TTLL5: variants seen among roughly 807,000 people sequenced by gnomAD.
TTLL5 encodes the protein tubulin polyglutamylase TTLL5.
Under a neutral mutation model 168.4 loss-of-function variants are expected in TTLL5, and 132 were observed. That is an observed-to-expected ratio of 0.78 (90% CI 0.68 to 0.91). The LOEUF is 0.91. Among genes scored for constraint, TTLL5 ranks in the 40% least tolerant of loss-of-function variants. The pLI, the probability that TTLL5 is intolerant of heterozygous loss-of-function variation, is 0.00. For synonymous variants in TTLL5, 546 were observed against 558.6 expected (o/e 0.98, Z 0.32); for missense variants, 1,545 against 1,581.5 (o/e 0.98, Z 0.39).
Position 75,928,870 on chromosome 14 carries a change from A to G in TTLL5, c.3824-25554A>G, listed in dbSNP as rs189369402. Reference sequence around the variant, plus strand: ...CCTGCTATTTCATTTCCCTTGCAGAAAGGGTGGGGGCAGGATTGTGATATG... The same window carrying G: ...CCTGCTATTTCATTTCCCTTGCAGAGAGGGTGGGGGCAGGATTGTGATATG... On this transcript the variant is annotated intron_variant, in intron 31 of 31. Coordinates refer to ENST00000298832, the MANE Select transcript of TTLL5 (RefSeq NM_015072.5). Among the ~76,000 whole-genome samples, 803 of 152,260 alleles carry G rather than the reference A, an allele frequency of 5.3e-3. 4 individuals are homozygous for G. Among genetic ancestry groups the G allele is most frequent in the African/African-American group, 0.019 (780 of 41,534 alleles).
At position 75,800,119 on chromosome 14, in the gene TTLL5, C is replaced by T. The variant is rs1290140142; in HGVS notation, c.3171+7019C>T. Among the ~76,000 whole-genome samples the T allele has an allele frequency of 3.3e-5, 5 of 152,156 alleles. No homozygotes were observed. The East Asian group carries it at 5.8e-4, about 18-fold the overall frequency. ...AACACCAGTTATTCTTAGGTTTGGTCGTTTAACATAATCCCAAACTTCTTG... is the reference window on the plus strand; with the variant it reads ...AACACCAGTTATTCTTAGGTTTGGTTGTTTAACATAATCCCAAACTTCTTG... On this transcript the variant is annotated intron_variant, in intron 27 of 31. Coordinates refer to ENST00000298832, the MANE Select transcript of TTLL5 (RefSeq NM_015072.5).
At position 75,810,337 on chromosome 14, in the gene TTLL5, TTCTC is replaced by T. The variant is rs142112640; in HGVS notation, c.3172-9654_3172-9651del. Among the ~76,000 whole-genome samples, 1,055 of 150,154 alleles carry T rather than the reference TTCTC, an allele frequency of 7.0e-3. 14 individuals carry two copies. The highest frequency in any genetic ancestry group is 0.024 in the African/African-American group (994 of 41,088). Reference sequence around the variant, plus strand: ...TTAAGCTCTTATTAACTAAATCATCTTCTCTCTCTCTCTCTCTCTGTTTTTCTTT... The same window carrying T: ...TTAAGCTCTTATTAACTAAATCATCTTCTCTCTCTCTCTCTGTTTTTCTTT... On this transcript the variant is annotated intron_variant, in intron 27 of 31. Coordinates refer to ENST00000298832, the MANE Select transcript of TTLL5 (RefSeq NM_015072.5).
At chr14:75,777,883 T>G (rs758710822) in intron 23 of TTLL5, among the ~76,000 whole-genome samples, 33 of 152,148 alleles carry the variant, frequency 2.2e-4, no homozygotes, top group Admixed American at 3.3e-4. Flanking sequence ...TATGGTGTTA[T>G]TTGTTGACAT....
intron 8 of TTLL5, 47 bp from the exon 9 acceptor site, chr14:75,707,575 AC>A (rs760739110): frequency 6.4e-7 from 1 of 1,553,724 alleles, no homozygotes; most frequent in South Asian, 1.2e-5. Flanking sequence ...GTAACAGGAA[AC>A]AAATGAACTT....
intron 26 of TTLL5, among the ~76,000 whole-genome samples, chr14:75,786,046 A>G (rs1047918532): frequency 2.6e-5 from 4 of 152,210 alleles, no homozygotes; most frequent in Non-Finnish European, 4.4e-5. Flanking sequence ...TAGCCAGTCT[A>G]TATTTCTTAA....
chr14:75,665,878 G>A (rs1883216610), intron 2 of TTLL5, among the ~76,000 whole-genome samples: 1 of 152,258 alleles, frequency 6.6e-6, no homozygotes, highest in Non-Finnish European at 1.5e-5. Flanking sequence ...AAAAACTGCT[G>A]TAATTTTAGA....
intron 31 of TTLL5, among the ~76,000 whole-genome samples, chr14:75,948,025 G>A (rs1203527853): frequency 6.6e-6 from 1 of 151,862 alleles, no homozygotes; most frequent in African/African-American, 2.4e-5. Flanking sequence ...CTAAATAACT[G>A]CATAATGCAC....
At chr14:75,823,681 A>C (rs980381734) in intron 28 of TTLL5, among the ~76,000 whole-genome samples, 2 of 152,142 alleles carry the variant, frequency 1.3e-5, no homozygotes, top group African/African-American at 4.8e-5. Flanking sequence ...GATATGAAAG[A>C]TGGGAGAATT....
intron 22 of TTLL5, among the ~76,000 whole-genome samples, chr14:75,776,508 C>T (rs1488828041): frequency 1.3e-5 from 2 of 152,148 alleles, no homozygotes; most frequent in Non-Finnish European, 2.9e-5. Flanking sequence ...AAAGTAAAAA[C>T]ATGATTAAAA....
intron 15 of TTLL5, among the ~76,000 whole-genome samples, chr14:75,735,754 G>A (rs550409374): frequency 1.3e-5 from 2 of 152,154 alleles, no homozygotes; most frequent in Non-Finnish European, 2.9e-5. Context: ...GAGGCTAAAT[G>A]AGATAAAAGC....
chr14:75,733,840 T>A, intron 13 of TTLL5, 149 bp from the exon 14 acceptor site: 1 of 678,926 alleles, frequency 1.5e-6, no homozygotes. Flanking sequence ...CCAGGATTTT[T>A]CCCCCACCGC....
chr14:75,850,087 C>T (rs1896763235), intron 28 of TTLL5, among the ~76,000 whole-genome samples: 2 of 151,310 alleles, frequency 1.3e-5, no homozygotes, highest in South Asian at 4.2e-4. Flanking sequence ...GTCTGAGTGA[C>T]AGGGTCTCAA....
At chr14:75,951,115 A>C (rs1325335736) in intron 31 of TTLL5, among the ~76,000 whole-genome samples, 1 of 152,174 alleles carries the variant, frequency 6.6e-6, no homozygotes, top group Non-Finnish European at 1.5e-5. Context: ...AGGCTGAGGC[A>C]GGAGGCTCAC....
chr14:75,753,012 C>A, intron 18 of TTLL5, 57 bp downstream of exon 18: 1 of 1,518,608 alleles, frequency 6.6e-7, no homozygotes, highest in Non-Finnish European at 9.1e-7. Context: ...ACAGAAAGTA[C>A]ATGTCAAAGA....
rs768574994 is a variant in TTLL5, at chr14:75,820,074, G to T, written c.3239G>T (p.Arg1080Leu). Reference sequence around the variant, plus strand: ...AGTGCTTCAGCTCCCCCAACCCTCCGACCCATCATCAGTCCTAGTGGCCCG... The same window carrying T: ...AGTGCTTCAGCTCCCCCAACCCTCCTACCCATCATCAGTCCTAGTGGCCCG... ...RSSASAPPTL[R>L]PIISPSGPTW... Residue 1080 changes from arginine (R) to leucine (L), a missense_variant, in exon 28 of 32, where the codon CGA becomes CTA. Arg to Leu is a moderately radical substitution (Grantham distance 102). Coordinates refer to ENST00000298832, the MANE Select transcript of TTLL5 (RefSeq NM_015072.5). 6.2e-7 allele frequency: 1 copy of T among 1,609,570 alleles called. No individual in the cohort carries two copies. Among genetic ancestry groups the T allele is most frequent in the East Asian group, 2.3e-5 (1 of 44,324 alleles).
chr14:75,691,722 T>C (rs1885476097), intron 6 of TTLL5, among the ~76,000 whole-genome samples: 2 of 152,182 alleles, frequency 1.3e-5, no homozygotes, highest in Admixed American at 1.3e-4. Flanking sequence ...ACAGTTTTCC[T>C]CCCAAGAAGT....
chr14:75,882,917 G>C lies in TTLL5; in HGVS notation c.3740+15G>C, dbSNP rs749364611. The stretch of plus-strand genomic sequence containing the variant: ...AAAGCTTCCAAGTAAGTTTTTTTCT[G>C]TTCAATTTCTACTGAGTTTTATCAG... On this transcript the variant is annotated intron_variant, in intron 30 of 31. Coordinates refer to ENST00000298832, the MANE Select transcript of TTLL5 (RefSeq NM_015072.5). 33 of 1,611,660 alleles carry C rather than the reference G, an allele frequency of 2.0e-5. No homozygotes were observed. The highest frequency in any genetic ancestry group is 1.0e-4 in the Admixed American group (6 of 59,946).
intron 11 of TTLL5, among the ~76,000 whole-genome samples, chr14:75,720,320 G>A (rs1248036251): frequency 1.3e-5 from 2 of 152,158 alleles, no homozygotes; most frequent in African/African-American, 4.8e-5. Flanking sequence ...GGGTCATAGG[G>A]GAAGTGTGAG....
rs565960964 is a variant in TTLL5, at chr14:75,928,080, C to T, written c.3823+25856C>T. On this transcript the variant is annotated intron_variant, in intron 31 of 31. Coordinates refer to ENST00000298832, the MANE Select transcript of TTLL5 (RefSeq NM_015072.5). Reference sequence around the variant, plus strand: ...GGTTTGCTGGGATGCTCTTGGTGTTCGTTTCCATGGAGCACCAGAGATTGT... The same window carrying T: ...GGTTTGCTGGGATGCTCTTGGTGTTTGTTTCCATGGAGCACCAGAGATTGT... Among the ~76,000 whole-genome samples, 12 of 152,000 alleles carry T rather than the reference C, an allele frequency of 7.9e-5. No homozygotes were observed. The South Asian group carries it at 1.7e-3, about 21-fold the overall frequency.
Sources: allele counts gnomAD v4.1 joint callset (sites outside exome capture counted in the v4.1 genomes callset), GRCh38; gene constraint gnomAD v4.1.1; transcripts MANE v1.5; gene names NCBI Gene and HGNC (gene_info 2026-07-23, HGNC 2026-07-21).